The following PLXNA4 variants were observed in gnomAD, a reference collection of about 807,000 sequenced individuals.
PLXNA4 encodes plexin A4, also known as plexin-A4.
A neutral mutation model predicts 191.8 loss-of-function variants in PLXNA4; 44 were observed. The observed-to-expected ratio is 0.23, with a 90% CI of 0.18 to 0.29. The LOEUF is 0.29. PLXNA4 is among the 10% of genes least tolerant of loss of function. The probability of loss-of-function intolerance (pLI) is 1.00; values close to 1 mark genes in which losing one functional copy is unlikely to be tolerated. For missense variants in PLXNA4, 1,800 were observed against 2,488.8 expected, an observed-to-expected ratio of 0.72 and a Z score of 5.89; for synonymous variants, 1,082 against 1,009.5, an observed-to-expected ratio of 1.07 and a Z score of -1.36.
chr7:132,234,484 G>C (rs1053885045), intron 5 of PLXNA4, among the ~76,000 whole-genome samples: 1 of 152,178 alleles, frequency 6.6e-6, no homozygotes, highest in Non-Finnish European at 1.5e-5. Context: ...AGGTATCCAA[G>C]TCAATAGACT....
At chr7:132,442,690 T>C (rs956681543) in intron 3 of PLXNA4, among the ~76,000 whole-genome samples, 1 of 152,198 alleles carries the variant, frequency 6.6e-6, no homozygotes, top group Non-Finnish European at 1.5e-5. Context: ...AAGCACGAGA[T>C]GTGGAAAACT....
chr7:132,341,660 C>G (rs1012238967), intron 3 of PLXNA4, among the ~76,000 whole-genome samples: 6 of 152,160 alleles, frequency 3.9e-5, no homozygotes, highest in Non-Finnish European at 7.4e-5. Flanking sequence ...GCCCCAGCCC[C>G]CCTAGCCTGC....
rs563716435 is a variant in PLXNA4 at position 132,529,652 on chromosome 7, C to G, written c.-86-20873G>C. 3.6e-4 allele frequency among the ~76,000 whole-genome samples: 54 copies of G among 148,418 alleles called. 1 individual carries two copies. The East Asian group carries it at 0.01, about 29-fold the overall frequency. ...ACGGAGTCTTGCTCCGTCGCCCAGGCTGGAGTGCAGTGGTGCGATCTCGGC... is the reference window on the plus strand; with the variant it reads ...ACGGAGTCTTGCTCCGTCGCCCAGGGTGGAGTGCAGTGGTGCGATCTCGGC... On this transcript the variant is annotated intron_variant, in intron 1 of 31. Transcript: ENST00000321063.
intron 3 of PLXNA4, among the ~76,000 whole-genome samples, chr7:132,335,334 G>A (rs1469138789): frequency 6.6e-6 from 1 of 152,134 alleles, no homozygotes; most frequent in Non-Finnish European, 1.5e-5. Context: ...GTAATAAGGG[G>A]CATGATTTAA....
intron 25 of PLXNA4, among the ~76,000 whole-genome samples, chr7:132,156,238 G>T (rs974547619): frequency 1.3e-5 from 2 of 151,002 alleles, no homozygotes; most frequent in Non-Finnish European, 2.9e-5. Flanking sequence ...CCTTACTAAC[G>T]CGGTTTCCCA....
intron 3 of PLXNA4, among the ~76,000 whole-genome samples, chr7:132,369,903 C>T (rs1804357651): frequency 6.6e-6 from 1 of 151,846 alleles, no homozygotes; most frequent in Non-Finnish European, 1.5e-5. Flanking sequence ...CCCTTCTCTA[C>T]TAAAAATACA....
chr7:132,556,492 C>T (rs556606273), intron 1 of PLXNA4, among the ~76,000 whole-genome samples: 22 of 152,346 alleles, frequency 1.4e-4, no homozygotes, highest in African/African-American at 5.3e-4. Context: ...GGAGAAGGCC[C>T]ATAGCTCTCA....
chr7:132,639,086 A>G (rs1446325298), intron 2 of PLXNA4, among the ~76,000 whole-genome samples: 1 of 152,122 alleles, frequency 6.6e-6, no homozygotes, highest in Non-Finnish European at 1.5e-5. Flanking sequence ...ATCAAAGTTC[A>G]CCATCCAAGG....
chr7:132,298,267 C>G, intron 3 of PLXNA4, 45 bp from the exon 4 acceptor site: 1 of 1,572,264 alleles, frequency 6.4e-7, no homozygotes, highest in Non-Finnish European at 8.6e-7. Context: ...AGATCCTGCA[C>G]TGCCCACAGC....
chr7:132,298,415 A>G (rs1347915434), intron 3 of PLXNA4, among the ~76,000 whole-genome samples, 193 bp from the exon 4 acceptor site: 5 of 152,190 alleles, frequency 3.3e-5, no homozygotes, highest in African/African-American at 1.2e-4. Context: ...GCAGAGAGGG[A>G]AGTGGGGGAC....
At chr7:132,625,179 C>T (rs186913871) in intron 2 of PLXNA4, among the ~76,000 whole-genome samples, 9 of 152,232 alleles carry the variant, frequency 5.9e-5, no homozygotes, top group Non-Finnish European at 8.8e-5. Context: ...GGGTACAGAC[C>T]GATGACTTCA....
intron 30 of PLXNA4, among the ~76,000 whole-genome samples, chr7:132,133,989 C>T (rs541609339): frequency 6.6e-6 from 1 of 152,262 alleles, no homozygotes; most frequent in Non-Finnish European, 1.5e-5. Flanking sequence ...TGGCCCAGCT[C>T]AGCCTAGCCC....
At chr7:132,288,940 G>C (rs1043917253) in intron 4 of PLXNA4, among the ~76,000 whole-genome samples, 1 of 152,184 alleles carries the variant, frequency 6.6e-6, no homozygotes, top group Non-Finnish European at 1.5e-5. Context: ...CAGACACTGA[G>C]GTGCAAAGAA....
At chr7:132,333,511 C>T (rs180691163) in intron 3 of PLXNA4, among the ~76,000 whole-genome samples, 111 of 152,322 alleles carry the variant, frequency 7.3e-4, no homozygotes, top group African/African-American at 2.5e-3. Context: ...GCCTCCTCCC[C>T]TGACTCCTGC....
intron 3 of PLXNA4, among the ~76,000 whole-genome samples, chr7:132,436,136 G>C (rs1795460626): frequency 6.6e-6 from 1 of 152,154 alleles, no homozygotes; most frequent in Non-Finnish European, 1.5e-5. Flanking sequence ...TGTCAGCCTG[G>C]AGACTCTGTC....
chr7:132,382,654 G>A (rs1804944307), intron 3 of PLXNA4, among the ~76,000 whole-genome samples: 1 of 152,164 alleles, frequency 6.6e-6, no homozygotes, highest in Non-Finnish European at 1.5e-5. Context: ...GCACTGGCAT[G>A]GTCTGCAATA....
At chr7:132,140,296 G>T (rs570467529) in intron 30 of PLXNA4, among the ~76,000 whole-genome samples, 1 of 152,284 alleles carries the variant, frequency 6.6e-6, no homozygotes, top group South Asian at 2.1e-4. Flanking sequence ...GGGTGGTGAA[G>T]ATCAGAGCTG....
At position 132,198,588 on chromosome 7, in the gene PLXNA4, G is replaced by A; in HGVS notation, c.2635C>T (p.Arg879Ter). ...PREGGTKVTI[R>*]GENLGLEFRD... ...AATTCCAGGCCCAGGTTCTCCCCTC[G>A]GATAGTGACCTTGGTGCCCCCTTCC... Residue 879 changes from arginine to a stop codon, truncating the protein, a stop_gained, in exon 13 of 32, where the codon CGA becomes TGA. Coordinates refer to ENST00000321063, the MANE Select transcript of PLXNA4 (RefSeq NM_020911.2). LOFTEE classifies it high-confidence loss of function. The A allele has an allele frequency of 6.2e-7, 1 of 1,614,236 alleles. No individual in the cohort carries two copies. The highest frequency in any genetic ancestry group is 8.5e-7 in the Non-Finnish European group (1 of 1,180,048).
At chr7:132,522,839 G>T (rs1200537637) in intron 1 of PLXNA4, among the ~76,000 whole-genome samples, 1 of 152,284 alleles carries the variant, frequency 6.6e-6, no homozygotes, top group Middle Eastern at 3.4e-3. Context: ...TATAGCAAAA[G>T]TGGGAAGGGA....
Sources: gnomAD v4.1 joint callset for allele counts (sites outside exome capture counted in the v4.1 genomes callset) on GRCh38, gnomAD v4.1.1 for gene constraint, MANE v1.5 for transcripts, NCBI Gene and HGNC (gene_info 2026-07-23, HGNC 2026-07-21) for gene names.